FBXL7: variants seen among roughly 807,000 people sequenced by gnomAD.
The protein encoded by FBXL7 is F-box and leucine rich repeat protein 7.
Under a neutral mutation model 38.3 loss-of-function variants are expected in FBXL7, and 12 were observed. The ratio of observed to expected loss-of-function variants is 0.31; its 90% confidence interval spans 0.20 to 0.51. The LOEUF is 0.51. Among genes scored for constraint, FBXL7 ranks in the 20% least tolerant of loss-of-function variants. The probability of loss-of-function intolerance (pLI) is 0.98; values close to 1 mark genes in which losing one functional copy is unlikely to be tolerated. For synonymous variants in FBXL7, 297 were observed against 300.9 expected, an observed-to-expected ratio of 0.99 and a Z score of 0.13; for missense variants, 567 against 676.4, an observed-to-expected ratio of 0.84 and a Z score of 1.79.
intron 2 of FBXL7, among the ~76,000 whole-genome samples, chr5:15,619,215 A>G (rs1561054767): frequency 8.6e-5 from 13 of 151,982 alleles, no homozygotes. Context: ...ATACTTAGCC[A>G]TTTTTTGTGT....
intron 1 of FBXL7, among the ~76,000 whole-genome samples, chr5:15,567,785 C>T (rs1738635131): frequency 6.6e-6 from 1 of 151,668 alleles, no homozygotes. Context: ...TGTGATGTTC[C>T]CCTTCCTGTG....
intron 2 of FBXL7, among the ~76,000 whole-genome samples, chr5:15,795,074 G>A (rs549518808): frequency 7.0e-4 from 107 of 152,302 alleles, no homozygotes; most frequent in Non-Finnish European, 1.4e-3. Context: ...GCAGCCTTCT[G>A]TGTGATTCTG....
chr5:15,582,421 G>T (rs1182514719), intron 1 of FBXL7, among the ~76,000 whole-genome samples: 1 of 152,198 alleles, frequency 6.6e-6, no homozygotes, highest in East Asian at 1.9e-4. Context: ...AAAGGAAAGA[G>T]AAATCTCCTA....
chr5:15,645,851 A>C (rs1190541711), intron 2 of FBXL7, among the ~76,000 whole-genome samples: 1 of 152,252 alleles, frequency 6.6e-6, no homozygotes, highest in Non-Finnish European at 1.5e-5. Context: ...TGTGTTGTTC[A>C]CTTGAAAACG....
intron 2 of FBXL7, among the ~76,000 whole-genome samples, chr5:15,882,733 A>G (rs1447996404): frequency 6.6e-6 from 1 of 152,166 alleles, no homozygotes; most frequent in Admixed American, 6.5e-5. Context: ...ACCATACCAT[A>G]TGGGCACAGT....
intron 2 of FBXL7, among the ~76,000 whole-genome samples, chr5:15,921,244 G>A (rs1741732788): frequency 6.6e-6 from 1 of 151,896 alleles, no homozygotes; most frequent in Admixed American, 6.6e-5. Context: ...AGCCAGGTGT[G>A]GTGGTGTGCG....
intron 2 of FBXL7, among the ~76,000 whole-genome samples, chr5:15,734,507 A>G (rs922820411): frequency 6.6e-6 from 1 of 152,214 alleles, no homozygotes; most frequent in African/African-American, 2.4e-5. Context: ...CAAGTGGGGT[A>G]ACAAATGGGA....
At chr5:15,573,967 T>G (rs1738875886) in intron 1 of FBXL7, among the ~76,000 whole-genome samples, 2 of 152,216 alleles carry the variant, frequency 1.3e-5, no homozygotes, top group South Asian at 4.1e-4. Context: ...CTGAGCATTG[T>G]TCTTACATTC....
chr5:15,869,443 A>G (rs1404905017), intron 2 of FBXL7, among the ~76,000 whole-genome samples: 1 of 152,134 alleles, frequency 6.6e-6, no homozygotes, highest in Non-Finnish European at 1.5e-5. Context: ...CCCTGGTGTA[A>G]TTATCAGGGG....
intron 1 of FBXL7, among the ~76,000 whole-genome samples, chr5:15,530,892 A>G (rs1737401418): frequency 1.3e-5 from 2 of 152,222 alleles, no homozygotes. Context: ...TAACACCCGT[A>G]GAACTGATCT....
At chr5:15,730,949 T>A (rs892516890) in intron 2 of FBXL7, among the ~76,000 whole-genome samples, 2 of 152,210 alleles carry the variant, frequency 1.3e-5, no homozygotes, top group Non-Finnish European at 1.5e-5. Flanking sequence ...TGAAACTCCA[T>A]GCCTATCATG....
chr5:15,875,645 G>GA (rs1294989731), intron 2 of FBXL7, among the ~76,000 whole-genome samples: 1 of 151,982 alleles, frequency 6.6e-6, no homozygotes, highest in African/African-American at 2.4e-5. Context: ...CAGCAAACAT[G>GA]AAAAAAAGCT....
intron 2 of FBXL7, among the ~76,000 whole-genome samples, chr5:15,812,221 G>A (rs187742044): frequency 4.6e-5 from 7 of 152,194 alleles, no homozygotes; most frequent in Non-Finnish European, 2.9e-5. Context: ...ATCATTCTCA[G>A]CAAACTAACA....
chr5:15,502,363 C>T (rs1229390894), intron 1 of FBXL7, among the ~76,000 whole-genome samples: 1 of 149,608 alleles, frequency 6.7e-6, no homozygotes, highest in African/African-American at 2.5e-5. Flanking sequence ...CCTGTCTGAA[C>T]AGCAGAATTT....
chr5:15,577,287 A>T (rs1240303811), intron 1 of FBXL7, among the ~76,000 whole-genome samples: 1 of 152,146 alleles, frequency 6.6e-6, no homozygotes, highest in Non-Finnish European at 1.5e-5. Flanking sequence ...ACACCATGGT[A>T]TCTGGGTTCT....
rs559371544 is a variant in FBXL7, at chr5:15,791,816, C to A, written c.128-136074C>A. On this transcript the variant is annotated intron_variant, in intron 2 of 3. Transcript: ENST00000504595. ...CTGCTGGGCTGCCCGTTACTCAGTT[C>A]CAAATAGGAGCCAGAGAGCAAAGGA... Among the ~76,000 whole-genome samples, 13 of 152,182 alleles carry A rather than the reference C, an allele frequency of 8.5e-5. No individual in the cohort carries two copies. The East Asian group carries it at 2.5e-3, about 29-fold the overall frequency.
chr5:15,863,366 T>G (rs893664987), intron 2 of FBXL7, among the ~76,000 whole-genome samples: 4 of 152,194 alleles, frequency 2.6e-5, no homozygotes, highest in Non-Finnish European at 4.4e-5. Flanking sequence ...GAAGAAAAAG[T>G]CTTTTTTCAT....
chr5:15,893,534 G>A (rs775018659), intron 2 of FBXL7, among the ~76,000 whole-genome samples: 1 of 152,030 alleles, frequency 6.6e-6, no homozygotes, highest in Non-Finnish European at 1.5e-5. Context: ...AGTAAGCATA[G>A]TACCTATTGA....
At chr5:15,637,241 T>C (rs188974380) in intron 2 of FBXL7, among the ~76,000 whole-genome samples, 1 of 152,182 alleles carries the variant, frequency 6.6e-6, no homozygotes, top group Non-Finnish European at 1.5e-5. Flanking sequence ...TTGGAGCCAG[T>C]GTGAAAGTTT....
Sources: allele counts gnomAD v4.1 joint callset (sites outside exome capture counted in the v4.1 genomes callset), GRCh38; gene constraint gnomAD v4.1.1; transcripts MANE v1.5; gene names NCBI Gene and HGNC (gene_info 2026-07-23, HGNC 2026-07-21).